Variants in ZMYM5 observed in about 807,000 individuals in gnomAD.
ZMYM5 encodes zinc finger MYM-type protein 5.
Under a neutral mutation model 61.8 loss-of-function variants are expected in ZMYM5, and 41 were observed. That is an observed-to-expected ratio of 0.66 (90% confidence interval 0.52 to 0.86). ZMYM5 has a LOEUF of 0.86. ZMYM5 is among the 40% of genes least tolerant of loss of function. The pLI is 0.00. For missense variants in ZMYM5, 706 were observed against 786.7 expected (o/e 0.90, Z 1.23); for synonymous variants, 257 against 276.4 (o/e 0.93, Z 0.70).
At chr13:19,845,670 T>G (rs1228097882) in intron 4 of ZMYM5, among the ~76,000 whole-genome samples, 1 of 152,134 alleles carries the variant, frequency 6.6e-6, no homozygotes, top group Non-Finnish European at 1.5e-5. Context: ...ATATTTACAT[T>G]TAGTTGTTTG....
chr13:19,851,405 A>C lies in ZMYM5; in HGVS notation c.536T>G (p.Val179Gly). The change falls in exon 4 of 8, where the codon GTG becomes GGG. Residue 179 changes from valine to glycine, a missense_variant. Physicochemically the swap from Val to Gly is moderately radical, Grantham distance 109. Around this residue, in one of 2 missense-constraint regions of ZMYM5, gnomAD observed 480 missense variants for 461.7 expected, o/e 1.04. Coordinates refer to ENST00000337963, the MANE Select transcript of ZMYM5 (RefSeq NM_001142684.2). ...VRPFNPGRMN[V>G]AGDLFQNGEF... The stretch of plus-strand genomic sequence containing the variant: ...TCCATTCTGAAATAAGTCTCCTGCC[A>C]CATTCATTCTACCAGGGTTAAAAGG... The C allele has an allele frequency of 6.2e-7, 1 of 1,614,178 alleles. No individual in the cohort carries two copies. Among genetic ancestry groups the C allele is most frequent in the Non-Finnish European group, 8.5e-7 (1 of 1,180,034 alleles).
In ZMYM5 at chr13:19,828,848, A is replaced by C. The variant is rs151335279; in HGVS notation, c.1252-3613T>G. Among the ~76,000 whole-genome samples the C allele has an allele frequency of 3.4e-3, 511 of 152,310 alleles. 2 individuals carry two copies. The highest frequency in any genetic ancestry group is 0.026 in the South Asian group (125 of 4,828). ...CATTTACTGATATGGGAAACAAAGG[A>C]AACCAGGTTTGGAGGTTCAGTTTTC... is the stretch of plus-strand genomic sequence containing the variant. On this transcript the variant is annotated intron_variant, in intron 7 of 7. Coordinates refer to ENST00000337963, the MANE Select transcript of ZMYM5 (RefSeq NM_001142684.2).
At chr13:19,845,620 T>A (rs1953048950) in intron 4 of ZMYM5, among the ~76,000 whole-genome samples, 1 of 152,200 alleles carries the variant, frequency 6.6e-6, no homozygotes, top group African/African-American at 2.4e-5. Flanking sequence ...CAAGGTTGGA[T>A]AATTTGTTAG....
At chr13:19,861,379 A>G (rs1394764425) in intron 2 of ZMYM5, among the ~76,000 whole-genome samples, 1 of 152,022 alleles carries the variant, frequency 6.6e-6, no homozygotes, top group Non-Finnish European at 1.5e-5. Context: ...CCTGGGCTCA[A>G]GCTCTCAAGC....
rs1718026226 is a variant in ZMYM5, at chr13:19,854,653, GTAATCTA to G, written c.-10-2470_-10-2464del. ...AAAAAAAAAAAAAAAAAACCTCAAT[GTAATCTA>G]TAATCCATATAGTCATGAAATAGGT... is the stretch of plus-strand genomic sequence containing the variant. On this transcript the variant is annotated intron_variant, in intron 2 of 7. Coordinates refer to ENST00000337963, the MANE Select transcript of ZMYM5 (RefSeq NM_001142684.2). Among the ~76,000 whole-genome samples, 2 of 146,368 alleles carry G rather than the reference GTAATCTA, an allele frequency of 1.4e-5. 1 individual carries two copies.
intron 7 of ZMYM5, among the ~76,000 whole-genome samples, chr13:19,828,041 A>G (rs2138481261): frequency 1.5e-5 from 2 of 133,604 alleles, no homozygotes; most frequent in South Asian, 2.5e-4. Flanking sequence ...AAAAAAAAAA[A>G]GATGTATAAA....
rs946702348 is a variant in ZMYM5, at chr13:19,856,855, C to T, written c.-10-4665G>A. 5.3e-5 allele frequency among the ~76,000 whole-genome samples: 8 copies of T among 152,052 alleles called. No homozygotes were observed. In the East Asian group the frequency reaches 1.5e-3, roughly 29 times the overall value. Reference sequence around the variant, plus strand: ...GGCGCAGTGGCTCACGCCTGTAATCCCAGCACTTTGGGAGGCAGAGGCGGG... The same window carrying T: ...GGCGCAGTGGCTCACGCCTGTAATCTCAGCACTTTGGGAGGCAGAGGCGGG... On this transcript the variant is annotated intron_variant, in intron 2 of 7. Coordinates refer to ENST00000337963, the MANE Select transcript of ZMYM5 (RefSeq NM_001142684.2).
rs1266641105 is a variant in ZMYM5 at position 19,859,132 on chromosome 13, C to CA, written c.-11+3266dup. ...GGGCAACAAGAGCAAAACTCCATCT[C>CA]AAAAAAAAAAATGTCCCCTCTCCTA... On this transcript the variant is annotated intron_variant, in intron 2 of 7. Transcript: ENST00000337963. Among the ~76,000 whole-genome samples, 159 of 146,366 alleles carry CA rather than the reference C, an allele frequency of 1.1e-3. 1 individual carries two copies. Among genetic ancestry groups the CA allele is most frequent in the Admixed American group, 1.7e-3 (25 of 14,534 alleles).
intron 2 of ZMYM5, among the ~76,000 whole-genome samples, chr13:19,859,388 G>A (rs548909238): frequency 2.0e-5 from 3 of 152,036 alleles, no homozygotes; most frequent in South Asian, 2.1e-4. Flanking sequence ...TTTAGTTCCC[G>A]TTTTTTGTTT....
At chr13:19,856,871 C>A (rs1365975564) in intron 2 of ZMYM5, among the ~76,000 whole-genome samples, 1 of 152,100 alleles carries the variant, frequency 6.6e-6, no homozygotes, top group Non-Finnish European at 1.5e-5. Flanking sequence ...CTTTGGGAGG[C>A]AGAGGCGGGC....
At chr13:19,837,476 G>A in intron 6 of ZMYM5, 180 bp downstream of exon 6, 2 of 1,575,958 alleles carry the variant, frequency 1.3e-6, no homozygotes, top group South Asian at 2.4e-5. Context: ...CTATGCAAAT[G>A]GAATTTTATT....
intron 2 of ZMYM5, among the ~76,000 whole-genome samples, chr13:19,861,989 G>A (rs189430630): frequency 2.0e-5 from 3 of 152,260 alleles, no homozygotes; most frequent in Admixed American, 6.5e-5. Context: ...TGTGATGCTA[G>A]CTGGAGGACT....
rs144502000 is a variant in ZMYM5, at chr13:19,839,467, C to T, written c.587-482G>A. On this transcript the variant is annotated intron_variant, in intron 4 of 7. Transcript: ENST00000337963. Reference sequence around the variant, plus strand: ...GCAATGGCACAATCTCGGTTCACTGCTACCTCTGCCCCCCAGGTTCAAGCG... The same window carrying T: ...GCAATGGCACAATCTCGGTTCACTGTTACCTCTGCCCCCCAGGTTCAAGCG... Among the ~76,000 whole-genome samples the T allele has an allele frequency of 3.3e-3, 505 of 152,186 alleles. 2 individuals carry two copies. The highest frequency in any genetic ancestry group is 0.026 in the South Asian group (125 of 4,822).
chr13:19,848,612 C>T lies in ZMYM5; in HGVS notation c.586+2743G>A, dbSNP rs184307805. Among the ~76,000 whole-genome samples the T allele has an allele frequency of 3.3e-3, 505 of 151,900 alleles. 2 individuals carry two copies. The highest frequency in any genetic ancestry group is 0.026 in the South Asian group (125 of 4,818). Reference sequence around the variant, plus strand: ...GCAGTGGAGTGATCTGGGCTCACTGCAACCTCTGCCTCCCAGGTTCAAGTG... The same window carrying T: ...GCAGTGGAGTGATCTGGGCTCACTGTAACCTCTGCCTCCCAGGTTCAAGTG... On this transcript the variant is annotated intron_variant, in intron 4 of 7. Coordinates refer to ENST00000337963, the MANE Select transcript of ZMYM5 (RefSeq NM_001142684.2).
chr13:19,858,337 C>A (rs1034874664), intron 2 of ZMYM5, among the ~76,000 whole-genome samples: 1 of 151,936 alleles, frequency 6.6e-6, no homozygotes, highest in African/African-American at 2.4e-5. Flanking sequence ...GTAATCCCAG[C>A]GCTTTGGGAG....
intron 2 of ZMYM5, among the ~76,000 whole-genome samples, chr13:19,861,351 GT>G (rs1490849129): frequency 6.6e-6 from 1 of 151,956 alleles, no homozygotes; most frequent in Admixed American, 6.6e-5. Flanking sequence ...GTTTTGCCAT[GT>G]TGTCCACACT....
In ZMYM5 at chr13:19,851,420, G is replaced by A. The variant is rs929797602; in HGVS notation, c.521C>T (p.Pro174Leu). 6.2e-7 allele frequency: 1 copy of A among 1,614,006 alleles called. No individual in the cohort carries two copies. The highest frequency in any genetic ancestry group is 8.5e-7 in the Non-Finnish European group (1 of 1,180,018). ...GTCTCCTGCCACATTCATTCTACCA[G>A]GGTTAAAAGGTCTTACTCCAGTCTT... The part of the protein sequence containing the change: ...KTKTGVRPFN[P>L]GRMNVAGDLF... Residue 174 changes from proline (P) to leucine (L), a missense_variant, in exon 4 of 8, where the codon CCT becomes CTT. Physicochemically the swap from Pro to Leu is moderately conservative, Grantham distance 98 (BLOSUM62 -3). Coordinates refer to ENST00000337963, the MANE Select transcript of ZMYM5 (RefSeq NM_001142684.2).
At chr13:19,841,121 C>A (rs111934274) in intron 4 of ZMYM5, among the ~76,000 whole-genome samples, 1 of 151,762 alleles carries the variant, frequency 6.6e-6, no homozygotes, top group Non-Finnish European at 1.5e-5. Flanking sequence ...CACGCCACCA[C>A]ACCTGGCTAA....
In ZMYM5 at chr13:19,837,783, A is replaced by T; in HGVS notation, c.911T>A (p.Val304Glu). The T allele has an allele frequency of 6.3e-7, 1 of 1,593,974 alleles. No homozygotes were observed. The highest frequency in any genetic ancestry group is 8.5e-7 in the Non-Finnish European group (1 of 1,175,692). ...TTCTTGGAAGGATTTGCTTGATTCT[A>T]CTGGAAGAATGACATTAGCCTTCTT... ...STKKANVILP[V>E]ESSKSFQEFY... is the part of the protein sequence containing the mutation. Residue 304 changes from valine to glutamate, a missense_variant, in exon 6 of 8, where the codon GTA becomes GAA. Transcript: ENST00000337963.
Sources: gnomAD v4.1 joint callset for allele counts (sites outside exome capture counted in the v4.1 genomes callset) on GRCh38, gnomAD v4.1.1 for gene constraint, gnomAD v4.1.1 regional missense constraint, MANE v1.5 for transcripts, NCBI Gene and HGNC (gene_info 2026-07-23, HGNC 2026-07-21) for gene names.